Variants in KCNIP1 observed in about 807,000 individuals in gnomAD.
The protein encoded by KCNIP1 is potassium voltage-gated channel interacting protein 1, also known as A-type potassium channel modulatory protein KCNIP1.
Under a neutral mutation model 33.0 loss-of-function variants are expected in KCNIP1, and 18 were observed. That is an observed-to-expected ratio of 0.55 (90% CI 0.38 to 0.81). The LOEUF (loss-of-function observed/expected upper bound fraction) is 0.81, where lower values mean the gene tolerates loss of function less well. KCNIP1 is among the 30% of genes least tolerant of loss of function. The pLI is 0.00. For synonymous variants in KCNIP1, 93 were observed against 98.3 expected, an observed-to-expected ratio of 0.95 and a Z score of 0.32; for missense variants, 238 against 271.6, an observed-to-expected ratio of 0.88 and a Z score of 0.87.
intron 1 of KCNIP1, among the ~76,000 whole-genome samples, chr5:170,631,612 C>T (rs1490525327): frequency 6.6e-6 from 1 of 152,196 alleles, no homozygotes; most frequent in Non-Finnish European, 1.5e-5. Flanking sequence ...GCCACCAGGC[C>T]CCAGACTGCT....
At chr5:170,727,406 C>T (rs1764047611) in intron 5 of KCNIP1, among the ~76,000 whole-genome samples, 1 of 152,040 alleles carries the variant, frequency 6.6e-6, no homozygotes, top group Non-Finnish European at 1.5e-5. Flanking sequence ...ATACATTTGT[C>T]AACATTCATC....
chr5:170,472,254 T>C (rs1317689683), intron 1 of KCNIP1, among the ~76,000 whole-genome samples: 1 of 152,076 alleles, frequency 6.6e-6, no homozygotes, highest in East Asian at 1.9e-4. Context: ...CACTGTGAGA[T>C]TCAGAAGAAA....
chr5:170,658,700 TC>T (rs1254913498), intron 1 of KCNIP1, among the ~76,000 whole-genome samples: 1 of 152,060 alleles, frequency 6.6e-6, no homozygotes, highest in East Asian at 1.9e-4. Context: ...TAGCACAGCA[TC>T]CAGGCCACAG....
chr5:170,382,897 C>T (rs76888257), intron 1 of KCNIP1: 13,734 of 144,908 alleles, frequency 0.095, 702 homozygotes, highest in Admixed American at 0.14. Flanking sequence ...AGGAGGTGCT[C>T]AATGGCTGTT....
intron 1 of KCNIP1, among the ~76,000 whole-genome samples, chr5:170,387,429 C>T (rs1249351565): frequency 6.6e-6 from 1 of 152,074 alleles, no homozygotes; most frequent in African/African-American, 2.4e-5. Flanking sequence ...AGGCTGCCCT[C>T]ATACCCGGGC....
intron 1 of KCNIP1, among the ~76,000 whole-genome samples, chr5:170,571,895 C>A (rs977077351): frequency 6.6e-6 from 1 of 152,196 alleles, no homozygotes; most frequent in Admixed American, 6.5e-5. Flanking sequence ...TCTTTTCCAT[C>A]ATTTTTCTTG....
chr5:170,648,906 G>A (rs983393785), intron 1 of KCNIP1, among the ~76,000 whole-genome samples: 2 of 152,142 alleles, frequency 1.3e-5, no homozygotes, highest in African/African-American at 4.8e-5. Context: ...TTTGCAGTGA[G>A]CCTAAAACTA....
At chr5:170,449,489 C>T (rs1395620321) in intron 1 of KCNIP1, among the ~76,000 whole-genome samples, 1 of 152,184 alleles carries the variant, frequency 6.6e-6, no homozygotes, top group African/African-American at 2.4e-5. Context: ...TCGGGCAGGT[C>T]CTGAATCAGG....
chr5:170,707,195 T>C (rs1341412263), intron 1 of KCNIP1, among the ~76,000 whole-genome samples: 4 of 152,022 alleles, frequency 2.6e-5, no homozygotes, highest in Non-Finnish European at 4.4e-5. Flanking sequence ...CAGGGCACTT[T>C]TTCCAGACAA....
chr5:170,571,217 T>G, intron 1 of KCNIP1, among the ~76,000 whole-genome samples: 1 of 152,220 alleles, frequency 6.6e-6, no homozygotes, highest in East Asian at 1.9e-4. Context: ...GGTTGACTCT[T>G]GCTGTCCTCT....
intron 1 of KCNIP1, among the ~76,000 whole-genome samples, chr5:170,606,258 A>G (rs1167426131): frequency 6.6e-6 from 1 of 152,186 alleles, no homozygotes; most frequent in East Asian, 1.9e-4. Context: ...TGGGGTATAT[A>G]CCCAGGAGTG....
Position 170,379,510 on chromosome 5 carries a change from C to G in KCNIP1, c.88+25546C>G, listed in dbSNP as rs146334055. Among the ~76,000 whole-genome samples the G allele has an allele frequency of 4.7e-3, 722 of 152,250 alleles. 4 individuals are homozygous for G. The highest frequency in any genetic ancestry group is 0.024 in the Middle Eastern group (7 of 294). ...ATGAGATGACAGGTGCCCACTGACT[C>G]TTGCCTTGGTGCCAGGAAGAATTGC... On this transcript the variant is annotated intron_variant, in intron 1 of 7. Transcript: ENST00000377360.
chr5:170,469,144 C>A (rs1561639955), intron 1 of KCNIP1, among the ~76,000 whole-genome samples: 1 of 152,128 alleles, frequency 6.6e-6, no homozygotes, highest in Non-Finnish European at 1.5e-5. Context: ...GCCTGTAATC[C>A]TCAAGCTTTG....
intron 1 of KCNIP1, among the ~76,000 whole-genome samples, chr5:170,470,066 G>C (rs997684701): frequency 1.3e-5 from 2 of 152,172 alleles, no homozygotes; most frequent in Admixed American, 6.5e-5. Context: ...GAAAATGGAA[G>C]AGCCAATCTG....
intron 1 of KCNIP1, among the ~76,000 whole-genome samples, chr5:170,402,589 T>A (rs314140): frequency 6.6e-6 from 1 of 151,940 alleles, no homozygotes; most frequent in Non-Finnish European, 1.5e-5. Flanking sequence ...AGAGAGAGCA[T>A]GTGAATCATT....
At chr5:170,367,417 GAAAGGAAA>G (rs1435787640) in intron 1 of KCNIP1, among the ~76,000 whole-genome samples, 35 of 99,106 alleles carry the variant, frequency 3.5e-4, no homozygotes, top group East Asian at 2.2e-3. Context: ...AAGAAAGAAA[GAAAGGAAA>G]GAAAGAAAGA....
At chr5:170,626,887 AGCCC>A (rs1759850527) in intron 1 of KCNIP1, among the ~76,000 whole-genome samples, 1 of 57,202 alleles carries the variant, frequency 1.7e-5, no homozygotes, top group Non-Finnish European at 3.4e-5. Context: ...CTTCTCAAGA[AGCCC>A]AGAAGGCCAG....
At chr5:170,676,178 AAAGGAAAGGAAAGGAAAGG>A (rs1340003420) in intron 1 of KCNIP1, among the ~76,000 whole-genome samples, 117 of 48,360 alleles carry the variant, frequency 2.4e-3, no homozygotes, top group African/African-American at 7.9e-3. Context: ...AGAAGGAAGG[AAAGGAAAGGAAAGGAAAGG>A]AAAGGAAAGG....
At chr5:170,355,753 C>A (rs1435409109) in intron 1 of KCNIP1, among the ~76,000 whole-genome samples, 1 of 152,186 alleles carries the variant, frequency 6.6e-6, no homozygotes, top group African/African-American at 2.4e-5. Context: ...AGAATGCCTC[C>A]CTCTCTCTGC....
Sources: gnomAD v4.1 joint callset for allele counts (sites outside exome capture counted in the v4.1 genomes callset) on GRCh38, gnomAD v4.1.1 for gene constraint, MANE v1.5 for transcripts, NCBI Gene and HGNC (gene_info 2026-07-23, HGNC 2026-07-21) for gene names.